Variants in DLG2 observed in about 807,000 individuals in gnomAD.
The protein encoded by DLG2 is discs large MAGUK scaffold protein 2.
Under a neutral mutation model 132.5 loss-of-function variants are expected in DLG2, and 45 were observed. That is an observed-to-expected ratio of 0.34 (90% CI 0.27 to 0.44). The LOEUF is 0.44. DLG2 is among the 20% of genes least tolerant of loss of function. DLG2 has a pLI of 1.00. For synonymous variants in DLG2, 424 were observed against 419.6 expected (o/e 1.01, Z -0.13); for missense variants, 1,045 against 1,196.9 (o/e 0.87, Z 1.87).
chr11:84,283,788 TAA>T (rs1390021324), intron 7 of DLG2, among the ~76,000 whole-genome samples: 4 of 152,152 alleles, frequency 2.6e-5, no homozygotes, highest in Non-Finnish European at 5.9e-5. Flanking sequence ...ACCTAGAATA[TAA>T]GACTCTTTAA....
chr11:84,088,857 T>A lies in DLG2; in HGVS notation c.749+10066A>T, dbSNP rs1427691027. Among the ~76,000 whole-genome samples, 4 of 152,108 alleles carry A rather than the reference T, an allele frequency of 2.6e-5. No individual in the cohort carries two copies. The East Asian group carries it at 5.8e-4, about 22-fold the overall frequency. ...GTATCATTTATACTAGGTAATAAAG[T>A]CTCCCTTCTCATGAAGGTCTTCCTG... On this transcript the variant is annotated intron_variant, in intron 10 of 27. Coordinates refer to ENST00000376104, the MANE Select transcript of DLG2 (RefSeq NM_001142699.3).
intron 11 of DLG2, among the ~76,000 whole-genome samples, chr11:84,045,371 T>C (rs1430647607): frequency 6.6e-6 from 1 of 151,664 alleles, no homozygotes; most frequent in Admixed American, 6.6e-5. Context: ...TTGATATCAA[T>C]AGGTCCAGAT....
intron 19 of DLG2, among the ~76,000 whole-genome samples, chr11:83,549,419 A>G (rs549468360): frequency 2.0e-5 from 3 of 152,278 alleles, no homozygotes; most frequent in Admixed American, 2.0e-4. Flanking sequence ...CCTACATCTC[A>G]CATATTTGCA....
intron 6 of DLG2, among the ~76,000 whole-genome samples, chr11:84,566,871 G>T (rs543337543): frequency 6.6e-6 from 1 of 152,156 alleles, no homozygotes; most frequent in Non-Finnish European, 1.5e-5. Flanking sequence ...TCTGCAGAAT[G>T]AAGAGGGTCA....
chr11:84,972,062 G>A lies in DLG2; in HGVS notation c.357+139599C>T, dbSNP rs1161196941. Among the ~76,000 whole-genome samples, 20 of 151,996 alleles carry A rather than the reference G, an allele frequency of 1.3e-4. 1 individual carries two copies. The highest frequency in any genetic ancestry group is 6.3e-3 in the Middle Eastern group (2 of 316). The stretch of plus-strand genomic sequence containing the variant: ...TACTTACTTATGACTCAGAGGGGGG[G>A]AAAACATAAAATTTTAGATGCCACA... On this transcript the variant is annotated intron_variant, in intron 6 of 27. Transcript: ENST00000376104.
intron 6 of DLG2, among the ~76,000 whole-genome samples, chr11:85,077,349 T>C (rs1406780387): frequency 2.0e-5 from 3 of 151,956 alleles, no homozygotes. Flanking sequence ...TGATTTCCTA[T>C]TAAGAGGCCC....
At chr11:85,513,756 T>C (rs2094122807) in intron 3 of DLG2, among the ~76,000 whole-genome samples, 1 of 151,938 alleles carries the variant, frequency 6.6e-6, no homozygotes, top group Non-Finnish European at 1.5e-5. Flanking sequence ...AGAAGTATCT[T>C]TTTGTTATTC....
At chr11:84,334,921 A>G (rs974899007) in intron 7 of DLG2, among the ~76,000 whole-genome samples, 1 of 152,138 alleles carries the variant, frequency 6.6e-6, no homozygotes, top group Non-Finnish European at 1.5e-5. Flanking sequence ...TCCACTCTAG[A>G]TCAACTTGGC....
chr11:85,189,146 C>T (rs922098243), intron 4 of DLG2, among the ~76,000 whole-genome samples: 1 of 152,058 alleles, frequency 6.6e-6, no homozygotes, highest in Non-Finnish European at 1.5e-5. Context: ...TGGCTGACTT[C>T]CCATAAGAAA....
intron 3 of DLG2, among the ~76,000 whole-genome samples, chr11:85,483,179 G>T (rs924058499): frequency 1.3e-5 from 2 of 152,174 alleles, no homozygotes; most frequent in African/African-American, 4.8e-5. Flanking sequence ...CTATTAGCAA[G>T]AGAAAATTAG....
chr11:84,867,934 C>A (rs559511963), intron 6 of DLG2, among the ~76,000 whole-genome samples: 1 of 151,846 alleles, frequency 6.6e-6, no homozygotes, highest in African/African-American at 2.4e-5. Flanking sequence ...ATTAGCCAGG[C>A]GTGGTAGCCG....
chr11:85,543,788 T>C (rs751423278), intron 3 of DLG2, among the ~76,000 whole-genome samples: 4 of 152,270 alleles, frequency 2.6e-5, no homozygotes, highest in Non-Finnish European at 5.9e-5. Flanking sequence ...ATGTCTTTTT[T>C]GGAGAAGTGT....
intron 3 of DLG2, among the ~76,000 whole-genome samples, chr11:85,583,269 A>T (rs899387296): frequency 2.0e-5 from 3 of 148,916 alleles, no homozygotes; most frequent in Non-Finnish European, 3.0e-5. Context: ...AAGCTCAAGG[A>T]ATCCTCCCAC....
chr11:84,861,633 A>AC (rs202213092), intron 6 of DLG2, among the ~76,000 whole-genome samples: 4,338 of 75,168 alleles, frequency 0.058, 103 homozygotes, highest in East Asian at 0.17. Flanking sequence ...AAAAAAAAAA[A>AC]AAAAAACAAA....
At chr11:84,082,795 GA>G (rs1219493872) in intron 10 of DLG2, among the ~76,000 whole-genome samples, 7 of 152,078 alleles carry the variant, frequency 4.6e-5, no homozygotes, top group Non-Finnish European at 1.0e-4. Flanking sequence ...TAGGCTTCTG[GA>G]AAAAAATTTA....
chr11:84,502,398 CTTTCTTTCTT>C (rs2099221649), intron 7 of DLG2, among the ~76,000 whole-genome samples: 1 of 94,638 alleles, frequency 1.1e-5, no homozygotes, highest in Non-Finnish European at 2.1e-5. Flanking sequence ...TTCTTTCTTT[CTTTCTTTCTT>C]TCTTTCTATA....
chr11:83,494,021 A>G (rs1358666836), intron 21 of DLG2, among the ~76,000 whole-genome samples: 3 of 152,098 alleles, frequency 2.0e-5, no homozygotes, highest in Non-Finnish European at 2.9e-5. Context: ...CATGTTTCCT[A>G]TGACTGTCTA....
At chr11:85,209,018 T>G (rs1043752446) in intron 4 of DLG2, among the ~76,000 whole-genome samples, 3 of 152,122 alleles carry the variant, frequency 2.0e-5, no homozygotes, top group Non-Finnish European at 4.4e-5. Context: ...GCACTGATAA[T>G]TGAGAGGTGG....
intron 9 of DLG2, among the ~76,000 whole-genome samples, chr11:84,137,917 GA>G (rs1392530148): frequency 2.0e-5 from 3 of 150,814 alleles, no homozygotes; most frequent in African/African-American, 7.4e-5. Flanking sequence ...TTCAAAGTGA[GA>G]AACATCCCCT....
Sources: allele counts gnomAD v4.1 joint callset (sites outside exome capture counted in the v4.1 genomes callset), GRCh38; gene constraint gnomAD v4.1.1; transcripts MANE v1.5; gene names NCBI Gene and HGNC (gene_info 2026-07-23, HGNC 2026-07-21).